NEB: variants seen among roughly 807,000 people sequenced by gnomAD.
NEB encodes the protein nebulin.
A neutral mutation model predicts 952.2 loss-of-function variants in NEB; 512 were observed. That is an observed-to-expected ratio of 0.54 (90% CI 0.50 to 0.58). The LOEUF (loss-of-function observed/expected upper bound fraction) is 0.58. NEB is among the 20% of genes least tolerant of loss of function. NEB has a pLI of 0.00. For synonymous variants in NEB, 2,900 were observed against 3,149.8 expected (o/e 0.92, Z 2.66); for missense variants, 8,428 against 9,231.1 (o/e 0.91, Z 3.56).
chr2:151,664,355 T>A, intron 44 of NEB, 146 bp downstream of exon 44: 1 of 568,054 alleles, frequency 1.8e-6, no homozygotes, highest in Non-Finnish European at 3.0e-6. Context: ...GGTACTTGGA[T>A]GGGGTGAAGG....
intron 54 of NEB, among the ~76,000 whole-genome samples, chr2:151,647,831 C>T (rs1481394852): frequency 6.6e-6 from 1 of 152,106 alleles, no homozygotes; most frequent in Non-Finnish European, 1.5e-5. Context: ...AATCCTGAGC[C>T]AGAGAAAATA....
At chr2:151,681,292 G>T (rs2099412485) in intron 29 of NEB, among the ~76,000 whole-genome samples, 1 of 152,212 alleles carries the variant, frequency 6.6e-6, no homozygotes, top group Admixed American at 6.5e-5. Flanking sequence ...GAGGAACTAG[G>T]CCAACAGCTA....
rs2096577623 is a variant in NEB, at chr2:151,570,223, T to G, written c.17288A>C (p.Asp5763Ala). 10 of 1,613,776 alleles carry G rather than the reference T, an allele frequency of 6.2e-6. No homozygotes were observed. The highest frequency in any genetic ancestry group is 6.8e-6 in the Non-Finnish European group (8 of 1,179,826). Residue 5763 changes from aspartate (D) to alanine (A), a missense_variant, in exon 109 of 182, where the codon GAC becomes GCC. Transcript: ENST00000397345. Reference protein sequence around the residue: ...KWKAKIQSPVDMLSILHSKNS... With the variant: ...KWKAKIQSPVAMLSILHSKNS... The stretch of plus-strand genomic sequence containing the variant: ...TTTAGAGTGCAGGATGGAAAGCATG[T>G]CCACAGGGCTCTGGATCTTGGCCTT...
intron 9 of NEB, among the ~76,000 whole-genome samples, chr2:151,718,972 C>T (rs2099766872): frequency 1.3e-5 from 2 of 152,210 alleles, no homozygotes; most frequent in South Asian, 4.1e-4. Flanking sequence ...TGTTCCCTCT[C>T]CCCATCTGTC....
At chr2:151,672,135 T>C (rs965715159) in intron 37 of NEB, among the ~76,000 whole-genome samples, 3 of 152,232 alleles carry the variant, frequency 2.0e-5, no homozygotes, top group Non-Finnish European at 4.4e-5. Context: ...TAGTGGAATA[T>C]AGTTTTATCT....
intron 130 of NEB, 135 bp from the exon 131 acceptor site, chr2:151,548,550 T>C (rs141150620): frequency 8.2e-6 from 5 of 611,210 alleles, no homozygotes; most frequent in Admixed American, 3.1e-5. Flanking sequence ...AGAAAAGTCA[T>C]TGACAAAATT....
Position 151,664,530 on chromosome 2 carries a change from C to T in NEB, c.5422G>A (p.Ala1808Thr). 6.2e-7 allele frequency: 1 copy of T among 1,602,800 alleles called. No individual in the cohort carries two copies. The highest frequency in any genetic ancestry group is 8.5e-7 in the Non-Finnish European group (1 of 1,175,274). ...CTGGCAATGTCTCTAGAGGCTCTTG[C>T]AGCCTTTATTGCAATGGCATCAGGC... ...LRPDAIAIKA[A>T]RASRDIASDY... is the part of the protein sequence containing the mutation. Residue 1808 changes from alanine to threonine, a missense_variant, in exon 44 of 182, where the codon GCA (alanine) becomes ACA (threonine). Physicochemically the swap from Ala to Thr is moderately conservative, Grantham distance 58. Transcript: ENST00000397345.
At position 151,639,289 on chromosome 2, in the gene NEB, G is replaced by C. The variant is rs2098817739; in HGVS notation, c.8985C>G (p.Asn2995Lys). 1 of 1,539,260 alleles carries C rather than the reference G, an allele frequency of 6.5e-7. No individual in the cohort carries two copies. The highest frequency in any genetic ancestry group is 8.7e-7 in the Non-Finnish European group (1 of 1,145,054). ...AAGAATCTGCTCTCACCTCACTGTA[G>C]TTGATTTTGTTCATTCTTGCCAACA... The part of the protein sequence containing the change: ...EIMLARMNKI[N>K]YSESLYKLAN... The change falls in exon 63 of 182, where the codon AAC (asparagine) becomes AAG (lysine). Residue 2995 changes from asparagine (N) to lysine (K), a missense_variant. This residue lies in a region of NEB where 1,772 missense variants were observed against 1,960.3 expected (regional missense o/e 0.90). Coordinates refer to ENST00000397345, the MANE Select transcript of NEB (RefSeq NM_001164508.2).
chr2:151,552,625 G>A (rs773127032), intron 128 of NEB, 47 bp downstream of exon 128: 6 of 1,359,850 alleles, frequency 4.4e-6, no homozygotes, highest in Admixed American at 1.8e-5. Flanking sequence ...CTTGAGTGGT[G>A]GCCCTGCTTT....
At chr2:151,528,081 A>G (rs1205731608) in intron 146 of NEB, among the ~76,000 whole-genome samples, 1 of 152,216 alleles carries the variant, frequency 6.6e-6, no homozygotes, top group African/African-American at 2.4e-5. Flanking sequence ...AACTGGATAG[A>G]AAGGTTAAGT....
At position 151,717,416 on chromosome 2, in the gene NEB, C is replaced by A; in HGVS notation, c.822G>T (p.Lys274Asn). The change falls in exon 10 of 182, where the codon AAG becomes AAT. Residue 274 changes from lysine to asparagine, a missense_variant and splice_region_variant. Coordinates refer to ENST00000397345, the MANE Select transcript of NEB (RefSeq NM_001164508.2). ...FAKKVTNQVS[K>N]QKYKEDYENK... ...CAATGTCCCAGCTCTATTTACTTAC[C>A]TTGCTCACTTGATTGGTTACTTTCT... is the stretch of plus-strand genomic sequence containing the variant. 6.2e-7 allele frequency: 1 copy of A among 1,603,504 alleles called. No homozygotes were observed. Among genetic ancestry groups the A allele is most frequent in the Admixed American group, 1.7e-5 (1 of 59,982 alleles).
At chr2:151,490,615 C>T in intron 179 of NEB, 97 bp from the exon 180 acceptor site, 2 of 1,439,084 alleles carry the variant, frequency 1.4e-6, no homozygotes, top group Non-Finnish European at 9.5e-7. Flanking sequence ...TTATCTTTGC[C>T]AAGCATGGTT....
intron 144 of NEB, 22 bp downstream of exon 144, chr2:151,531,770 A>T: frequency 6.4e-7 from 1 of 1,554,600 alleles, no homozygotes; most frequent in Non-Finnish European, 8.8e-7. Context: ...TTGAGAAGGT[A>T]TTCAGTGTTT....
intron 73 of NEB, among the ~76,000 whole-genome samples, chr2:151,619,038 T>A (rs2098308428): frequency 6.6e-6 from 1 of 152,214 alleles, no homozygotes; most frequent in Non-Finnish European, 1.5e-5. Context: ...AATTTTCCCA[T>A]CAGTAAGTAT....
Position 151,646,230 on chromosome 2 carries a change from A to C in NEB, c.7436T>G (p.Leu2479Arg), listed in dbSNP as rs751410886. 1 of 1,577,870 alleles carries C rather than the reference A, an allele frequency of 6.3e-7. No individual in the cohort carries two copies. ...GTCTTTGTCCCAAGCTTCTCTATAA[A>C]GTCTCTAAAATAAGAAATAATAATT... ...KTNAKNRSDR[L>R]YREAWDKDKT... Residue 2479 changes from leucine (L) to arginine (R), a missense_variant, in exon 55 of 182, where the codon CTT (leucine) becomes CGT (arginine). Leu to Arg is a moderately radical substitution (Grantham distance 102). Around this residue, in one of 11 missense-constraint regions of NEB, gnomAD observed 1,772 missense variants for 1,960.3 expected, o/e 0.90. Coordinates refer to ENST00000397345, the MANE Select transcript of NEB (RefSeq NM_001164508.2).
chr2:151,633,130 G>GT (rs1347817717), intron 65 of NEB, among the ~76,000 whole-genome samples: 1 of 152,174 alleles, frequency 6.6e-6, no homozygotes, highest in Non-Finnish European at 1.5e-5. Flanking sequence ...TTGAGATAGT[G>GT]TATCTGCTTC....
intron 136 of NEB, among the ~76,000 whole-genome samples, chr2:151,541,131 G>A (rs2093997376): frequency 6.6e-6 from 1 of 152,060 alleles, no homozygotes; most frequent in Non-Finnish European, 1.5e-5. Context: ...TTGCGTGACT[G>A]CATGAAATAC....
At position 151,674,465 on chromosome 2, in the gene NEB, A is replaced by G. The variant is rs745772328; in HGVS notation, c.3987+12T>C. 2 of 1,606,644 alleles carry G rather than the reference A, an allele frequency of 1.2e-6. No homozygotes were observed. Among genetic ancestry groups the G allele is most frequent in the East Asian group, 2.2e-5 (1 of 44,872 alleles). ...GGCAAACACCTAAACTTCACCTAAA[A>G]TTTGTACTCACATCACTGGCAATGT... On this transcript the variant is annotated intron_variant, in intron 36 of 181. Coordinates refer to ENST00000397345, the MANE Select transcript of NEB (RefSeq NM_001164508.2).
At chr2:151,621,534 G>C (rs1416905233) in intron 71 of NEB, among the ~76,000 whole-genome samples, 1 of 152,162 alleles carries the variant, frequency 6.6e-6, no homozygotes, top group Non-Finnish European at 1.5e-5. Flanking sequence ...ATCAACTGCT[G>C]CAAGTTGTTC....
Sources: allele counts gnomAD v4.1 joint callset (sites outside exome capture counted in the v4.1 genomes callset), GRCh38; gene constraint gnomAD v4.1.1; regional missense constraint gnomAD v4.1.1; transcripts MANE v1.5; gene names NCBI Gene and HGNC (gene_info 2026-07-23, HGNC 2026-07-21).